STARD9: variants seen among roughly 807,000 people sequenced by gnomAD.
STARD9 encodes StAR related lipid transfer domain containing 9, also known as stAR-related lipid transfer protein 9.
STARD9 carries 346 observed loss-of-function variants against 399.8 expected under a neutral mutation model. The ratio of observed to expected loss-of-function variants is 0.87; its 90% CI spans 0.79 to 0.95. The LOEUF is 0.95. STARD9 is among the 40% of genes least tolerant of loss of function. The pLI is 0.00. For synonymous variants in STARD9, 2,203 were observed against 2,143.5 expected (o/e 1.03, Z -0.77); for missense variants, 5,832 against 5,667.5 (o/e 1.03, Z -0.93).
In STARD9 at chr15:42,638,820, A is replaced by G; in HGVS notation, c.559+8A>G. On this transcript the variant is annotated splice_region_variant and intron_variant, in intron 7 of 32. Coordinates refer to ENST00000290607, the MANE Select transcript of STARD9 (RefSeq NM_020759.3). ...TGGGGCCCTATGTACAAGGTGAGCT[A>G]CTGTGGTCCTGGAGATCTGAAACCA... 2.0e-6 allele frequency: 3 copies of G among 1,493,810 alleles called. No individual in the cohort carries two copies. The highest frequency in any genetic ancestry group is 1.4e-5 in the African/African-American group (1 of 71,742). 92.5% of individuals were successfully genotyped at this position (1,493,810 alleles called of 1,614,324 possible). A position where few individuals can be genotyped will look rare whatever the true frequency, so the allele number is the denominator to read the frequency against.
rs1323659819 is a variant in STARD9, at chr15:42,720,741, T to C, written c.*1167T>C. Reference sequence around the variant, plus strand: ...AAGATGTGGTAAAGGTCTATTTCTGTAGTGTGGCAGAGATGTGTTTTTCTA... The same window carrying C: ...AAGATGTGGTAAAGGTCTATTTCTGCAGTGTGGCAGAGATGTGTTTTTCTA... On this transcript the variant is annotated 3_prime_UTR_variant, in exon 33 of 33. Coordinates refer to ENST00000290607, the MANE Select transcript of STARD9 (RefSeq NM_020759.3). 2.0e-5 allele frequency: 3 copies of C among 152,184 alleles called. No individual in the cohort carries two copies. Among genetic ancestry groups the C allele is most frequent in the African/African-American group, 7.2e-5 (3 of 41,434 alleles). The allele number at this position is 152,184 out of a possible 1,614,324, so 9.4% of individuals were successfully genotyped here.
At chr15:42,695,691 G>A in intron 25 of STARD9, 52 bp from the exon 26 acceptor site, 1 of 1,514,002 alleles carries the variant, frequency 6.6e-7, no homozygotes, top group Non-Finnish European at 8.8e-7. Context: ...GCGTGGCCTG[G>A]GGAAAGTGAG....
In STARD9 at chr15:42,688,596, C is replaced by T. The variant is rs1263228551; in HGVS notation, c.7018C>T (p.Pro2340Ser). Residue 2340 changes from proline to serine, a missense_variant, in exon 23 of 33, where the codon CCA (proline) becomes TCA (serine). This residue lies in a region of STARD9 where 5,828 missense variants were observed against 5,651.1 expected (regional missense o/e 1.03). Coordinates refer to ENST00000290607, the MANE Select transcript of STARD9 (RefSeq NM_020759.3). ...DLSNTLPLNS[P>S]RWPRRCLHVP... Reference sequence around the variant, plus strand: ...GAGTAATACCTTGCCCTTGAATTCTCCAAGGTGGCCAAGAAGGTGTCTTCA... The same window carrying T: ...GAGTAATACCTTGCCCTTGAATTCTTCAAGGTGGCCAAGAAGGTGTCTTCA... 2 of 1,537,406 alleles carry T rather than the reference C, an allele frequency of 1.3e-6. No individual in the cohort carries two copies. Among genetic ancestry groups the T allele is most frequent in the Non-Finnish European group, 1.7e-6 (2 of 1,146,996 alleles).
Position 42,691,625 on chromosome 15 carries a change from C to G in STARD9, c.10047C>G (p.Asp3349Glu), listed in dbSNP as rs1487891269. ...GTGTGGAGCCTCCTTCCCCTACAGA[C>G]GAAGATACACAGGGGCCTAACAGAT... Reference protein sequence around the residue: ...NLSVEPPSPTDEDTQGPNRLW... With the variant: ...NLSVEPPSPTEEDTQGPNRLW... Residue 3349 changes from aspartate (D) to glutamate (E), a missense_variant, in exon 23 of 33, where the codon GAC becomes GAG. This residue lies in a region of STARD9 where 5,828 missense variants were observed against 5,651.1 expected (regional missense o/e 1.03). Coordinates refer to ENST00000290607, the MANE Select transcript of STARD9 (RefSeq NM_020759.3). The G allele has an allele frequency of 6.5e-7, 1 of 1,537,224 alleles. No homozygotes were observed. Among genetic ancestry groups the G allele is most frequent in the Non-Finnish European group, 8.7e-7 (1 of 1,146,898 alleles).
At position 42,690,105 on chromosome 15, in the gene STARD9, G is replaced by A. The variant is rs185165874; in HGVS notation, c.8527G>A (p.Gly2843Ser). The A allele has an allele frequency of 1.3e-6, 2 of 1,537,662 alleles. No individual in the cohort carries two copies. Among genetic ancestry groups the A allele is most frequent in the Admixed American group, 3.9e-5 (2 of 50,982 alleles). ...TGTCCAATGCCCTGAGGCTTCTACT[G>A]GCTTTGAAGAAGGTAGGGCAAGTCC... ...DHVQCPEAST[G>S]FEEGRASPKQ... The change falls in exon 23 of 33, where the codon GGC (glycine) becomes AGC (serine). Residue 2843 changes from glycine (G) to serine (S), a missense_variant. By Grantham distance (56) the Gly-to-Ser change is moderately conservative. Transcript: ENST00000290607.
Position 42,690,600 on chromosome 15 carries a change from G to A in STARD9, c.9022G>A (p.Asp3008Asn). Residue 3008 changes from aspartate to asparagine, a missense_variant, in exon 23 of 33, where the codon GAT becomes AAT. Transcript: ENST00000290607. ...AGTACCTTCCAGGGCCTATGAAATGGATGAGACAGGAGAGATCTCTAGGGG... is the reference window on the plus strand; with the variant it reads ...AGTACCTTCCAGGGCCTATGAAATGAATGAGACAGGAGAGATCTCTAGGGG... ...CVVPSRAYEM[D>N]ETGEISRGPD... 6.5e-7 allele frequency: 1 copy of A among 1,537,226 alleles called. No individual in the cohort carries two copies. The highest frequency in any genetic ancestry group is 8.7e-7 in the Non-Finnish European group (1 of 1,146,902).
chr15:42,585,830 G>T (rs910832888), intron 3 of STARD9, among the ~76,000 whole-genome samples, 193 bp downstream of exon 3: 1 of 152,156 alleles, frequency 6.6e-6, no homozygotes, highest in African/African-American at 2.4e-5. Context: ...AATACATCAA[G>T]AAACCATTGG....
chr15:42,654,554 C>G (rs2059825727), intron 9 of STARD9, among the ~76,000 whole-genome samples: 1 of 152,080 alleles, frequency 6.6e-6, no homozygotes, highest in African/African-American at 2.4e-5. Context: ...CCAAAGAGCT[C>G]CTGGAACTGG....
At chr15:42,715,876 G>A (rs1446691650) in intron 26 of STARD9, among the ~76,000 whole-genome samples, 1 of 152,128 alleles carries the variant, frequency 6.6e-6, no homozygotes, top group Non-Finnish European at 1.5e-5. Flanking sequence ...GGAAGAGGTG[G>A]GGGCAACAAG....
chr15:42,598,177 G>A (rs1428183448), intron 3 of STARD9, among the ~76,000 whole-genome samples: 5 of 151,516 alleles, frequency 3.3e-5, no homozygotes, highest in Admixed American at 1.3e-4. Flanking sequence ...GACTACAGGC[G>A]CCTGCCACCA....
At chr15:42,705,089 G>T (rs1158856619) in intron 26 of STARD9, among the ~76,000 whole-genome samples, 1 of 152,162 alleles carries the variant, frequency 6.6e-6, no homozygotes, top group African/African-American at 2.4e-5. Context: ...TAGGCTGTGG[G>T]GTTTTTTCTG....
intron 29 of STARD9, 82 bp from the exon 30 acceptor site, chr15:42,717,895 T>C (rs2061379080): frequency 2.0e-6 from 3 of 1,503,538 alleles, no homozygotes; most frequent in Non-Finnish European, 2.7e-6. Context: ...TCCTCAAGTC[T>C]TCACTCTGAG....
rs942227837 is a variant in STARD9 at position 42,652,503 on chromosome 15, T to C, written c.630-17T>C. ...GTAAACAATCCTCGTCCTAACAGTT[T>C]TTCCTTGTATACACAGAATCACAGC... On this transcript the variant is annotated splice_polypyrimidine_tract_variant and intron_variant, in intron 8 of 32. Coordinates refer to ENST00000290607, the MANE Select transcript of STARD9 (RefSeq NM_020759.3). 5.2e-6 allele frequency: 8 copies of C among 1,536,424 alleles called. No individual in the cohort carries two copies. The highest frequency in any genetic ancestry group is 2.0e-5 in the Admixed American group (1 of 50,992).
At position 42,689,007 on chromosome 15, in the gene STARD9, A is replaced by G. The variant is rs930861351; in HGVS notation, c.7429A>G (p.Ser2477Gly). ...GGCTGTACAAAAAGAAATAAGAGTC[A>G]GTTCACTGAACAAGGTCTCTAGCCA... Reference protein sequence around the residue: ...EVAVQKEIRVSSLNKVSSQPE... With the variant: ...EVAVQKEIRVGSLNKVSSQPE... Residue 2477 changes from serine (S) to glycine (G), a missense_variant, in exon 23 of 33, where the codon AGT (serine) becomes GGT (glycine). Physicochemically the swap from Ser to Gly is moderately conservative, Grantham distance 56. This residue lies in a region of STARD9 where 5,828 missense variants were observed against 5,651.1 expected (regional missense o/e 1.03). Transcript: ENST00000290607. 6.5e-7 allele frequency: 1 copy of G among 1,537,366 alleles called. No homozygotes were observed. The highest frequency in any genetic ancestry group is 2.4e-5 in the East Asian group (1 of 40,922).
Position 42,690,257 on chromosome 15 carries a change from A to G in STARD9, c.8679A>G (p.Lys2893=), listed in dbSNP as rs145239633. 3 of 1,537,442 alleles carry G rather than the reference A, an allele frequency of 2.0e-6. No homozygotes were observed. The highest frequency in any genetic ancestry group is 3.9e-5 in the Admixed American group (2 of 50,998). Residue 2893 remains lysine, a synonymous_variant, in exon 23 of 33, where the codon AAA becomes AAG. Transcript: ENST00000290607. ...GLTEVCRAGS[K]HSRPIPLPDQ... ...CAGAAGTCTGCAGGGCTGGCAGCAA[A>G]CATTCCAGGCCAATTCCACTGCCAG...
At position 42,692,866 on chromosome 15, in the gene STARD9, G is replaced by C. The variant is rs774990564; in HGVS notation, c.11288G>C (p.Gly3763Ala). ...CAGGGAGCCAATGTGATCCTTGAAGGGCTAGGCTCAGATACCTCGACTGTG... is the reference window on the plus strand; with the variant it reads ...CAGGGAGCCAATGTGATCCTTGAAGCGCTAGGCTCAGATACCTCGACTGTG... ...EPQGANVILE[G>A]LGSDTSTVSQ... Residue 3763 changes from glycine (G) to alanine (A), a missense_variant, in exon 23 of 33, where the codon GGG becomes GCG. This residue lies in a region of STARD9 where 5,828 missense variants were observed against 5,651.1 expected (regional missense o/e 1.03). Coordinates refer to ENST00000290607, the MANE Select transcript of STARD9 (RefSeq NM_020759.3). The C allele has an allele frequency of 1.3e-6, 2 of 1,537,226 alleles. No individual in the cohort carries two copies. Among genetic ancestry groups the C allele is most frequent in the Non-Finnish European group, 8.7e-7 (1 of 1,146,912 alleles).
rs371072614 is a variant in STARD9 at position 42,688,036 on chromosome 15, G to T, written c.6458G>T (p.Arg2153Met). ...CAGAAAATCACCCCAAACCCCTTCA[G>T]GTCAAGGGAAGGTGTACGAGAGAGT... ...QVQKITPNPF[R>M]SREGVRESEP... Residue 2153 changes from arginine to methionine, a missense_variant, in exon 23 of 33, where the codon AGG (arginine) becomes ATG (methionine). Physicochemically the swap from Arg to Met is moderately conservative, Grantham distance 91. Coordinates refer to ENST00000290607, the MANE Select transcript of STARD9 (RefSeq NM_020759.3). The T allele has an allele frequency of 3.3e-6, 5 of 1,537,492 alleles. No individual in the cohort carries two copies. The highest frequency in any genetic ancestry group is 2.7e-5 in the African/African-American group (2 of 73,174).
intron 3 of STARD9, among the ~76,000 whole-genome samples, chr15:42,634,321 A>C (rs921848418): frequency 2.0e-5 from 3 of 152,178 alleles, no homozygotes; most frequent in African/African-American, 4.8e-5. Context: ...TCACTAAAGC[A>C]GGGGTAAATG....
intron 3 of STARD9, among the ~76,000 whole-genome samples, chr15:42,603,152 A>C (rs916765123): frequency 1.3e-5 from 2 of 152,188 alleles, no homozygotes; most frequent in African/African-American, 4.8e-5. Context: ...CCCACTTTCC[A>C]GTAAAAATAG....
Sources: gnomAD v4.1 joint callset for allele counts (sites outside exome capture counted in the v4.1 genomes callset) on GRCh38, gnomAD v4.1.1 for gene constraint, gnomAD v4.1.1 regional missense constraint, MANE v1.5 for transcripts, NCBI Gene and HGNC (gene_info 2026-07-23, HGNC 2026-07-21) for gene names.